Variants in GLDC observed in about 807,000 individuals in gnomAD.
GLDC encodes the protein glycine dehydrogenase (decarboxylating), mitochondrial.
Under a neutral mutation model 121.3 loss-of-function variants are expected in GLDC, and 104 were observed. The observed-to-expected ratio is 0.86, with a 90% CI of 0.73 to 1.01. GLDC has a LOEUF of 1.01. Among genes scored for constraint, GLDC ranks in the 50% least tolerant of loss-of-function variants. The pLI is 0.00. For missense variants in GLDC, 1,429 were observed against 1,306.6 expected, an observed-to-expected ratio of 1.09 and a Z score of -1.44; for synonymous variants, 546 against 480.6, an observed-to-expected ratio of 1.14 and a Z score of -1.78.
At position 6,554,589 on chromosome 9, in the gene GLDC, G is replaced by C. The variant is rs12683164; in HGVS notation, c.2315+80C>G. 330,454 of 983,168 alleles carry C rather than the reference G, an allele frequency of 0.34. 58,778 individuals are homozygous for C. The highest frequency in any genetic ancestry group is 0.39 in the Admixed American group (19,935 of 50,922). The allele number at this position is 983,168 out of a possible 1,614,324, so 60.9% of individuals were successfully genotyped here. ...GGTATCCTCAACACATGAAGACTTT[G>C]ATGGGATGAGTAGTCTATTTAGGGC... On this transcript the variant is annotated intron_variant, in intron 19 of 24. Transcript: ENST00000321612.
chr9:6,639,438 G>C, intron 2 of GLDC: 1 of 910,034 alleles, frequency 1.1e-6, no homozygotes. Context: ...TGTGTTCATT[G>C]TGGATGTTAA....
chr9:6,604,561 A>C, intron 7 of GLDC, 27 bp downstream of exon 7: 1 of 1,574,450 alleles, frequency 6.4e-7, no homozygotes, highest in Middle Eastern at 2.3e-4. Context: ...AATCACAATA[A>C]AAGTAGAGAA....
At chr9:6,587,346 TTAATAA>T in intron 14 of GLDC, 63 bp from the exon 15 acceptor site, 1 of 1,204,326 alleles carries the variant, frequency 8.3e-7, no homozygotes. Flanking sequence ...AATAATAACT[TTAATAA>T]TAATGACGAT....
At chr9:6,567,239 T>C (rs1430711514) in intron 15 of GLDC, 2 of 152,226 alleles carry the variant, frequency 1.3e-5, no homozygotes, top group Non-Finnish European at 2.9e-5. Flanking sequence ...ATCTCCGCTC[T>C]CTTCCAAGAA....
intron 16 of GLDC, among the ~76,000 whole-genome samples, chr9:6,560,423 G>A (rs1010637188): frequency 2.0e-5 from 3 of 152,170 alleles, no homozygotes; most frequent in Non-Finnish European, 4.4e-5. Flanking sequence ...CCTTTAGAAC[G>A]GCTGTTGGTC....
At chr9:6,535,316 G>C (rs570531934) in intron 23 of GLDC, among the ~76,000 whole-genome samples, 1 of 151,498 alleles carries the variant, frequency 6.6e-6, no homozygotes, top group Non-Finnish European at 1.5e-5. Context: ...GGTGTCTTCA[G>C]AGAGAAAAGA....
intron 8 of GLDC, among the ~76,000 whole-genome samples, chr9:6,595,605 A>G (rs954168971): frequency 2.6e-5 from 4 of 152,226 alleles, no homozygotes; most frequent in Non-Finnish European, 5.9e-5. Context: ...ATAAAACACT[A>G]GAGGCTGAAC....
Position 6,645,299 on chromosome 9 carries a change from G to A in GLDC, c.201C>T (p.His67=). 2 of 1,600,382 alleles carry A rather than the reference G, an allele frequency of 1.2e-6. No homozygotes were observed. Among genetic ancestry groups the A allele is most frequent in the Non-Finnish European group, 1.7e-6 (2 of 1,174,512 alleles). Residue 67 remains histidine, a synonymous_variant, in exon 1 of 25, where the codon CAC becomes CAT. Coordinates refer to ENST00000321612, the MANE Select transcript of GLDC (RefSeq NM_000170.3). ...LPRHDDFARR[H]IGPGDKDQRE... ...TCTGGTCTTTGTCCCCAGGGCCGAT[G>A]TGCCTCCGAGCGAAGTCGTCGTGTC... is the stretch of plus-strand genomic sequence containing the variant.
chr9:6,577,053 C>G (rs777131566), intron 15 of GLDC, among the ~76,000 whole-genome samples: 3 of 152,150 alleles, frequency 2.0e-5, no homozygotes, highest in Non-Finnish European at 4.4e-5. Context: ...TATATGTGGG[C>G]AGGGAATGAC....
chr9:6,599,050 C>T (rs879578980), intron 8 of GLDC, among the ~76,000 whole-genome samples: 29 of 151,642 alleles, frequency 1.9e-4, no homozygotes, highest in Admixed American at 1.2e-3. Flanking sequence ...CAGGCATGGT[C>T]GTGGGTGCCT....
intron 2 of GLDC, among the ~76,000 whole-genome samples, chr9:6,625,463 G>A (rs1177710117): frequency 6.6e-6 from 1 of 152,132 alleles, no homozygotes; most frequent in East Asian, 1.9e-4. Flanking sequence ...GGAGCCAAAA[G>A]GGTTACTGAA....
intron 15 of GLDC, among the ~76,000 whole-genome samples, chr9:6,566,275 T>C (rs1400760243): frequency 6.6e-6 from 1 of 152,194 alleles, no homozygotes; most frequent in Non-Finnish European, 1.5e-5. Context: ...AACACAATTG[T>C]CACACCTAGA....
chr9:6,550,982 A>G, intron 20 of GLDC, 68 bp from the exon 21 acceptor site: 2 of 982,708 alleles, frequency 2.0e-6, no homozygotes, highest in Non-Finnish European at 3.3e-6. Context: ...AAACCAACCA[A>G]AAGACACCCC....
In GLDC at chr9:6,534,698, G is replaced by A; in HGVS notation, c.2919+10C>T. On this transcript the variant is annotated intron_variant, in intron 24 of 24. Coordinates refer to ENST00000321612, the MANE Select transcript of GLDC (RefSeq NM_000170.3). ...TTCCCAGCTGGCACATTCAGATTCA[G>A]AGAACTTACGAGTGGGAATGCTGCC... The A allele has an allele frequency of 6.7e-7, 1 of 1,496,122 alleles. No homozygotes were observed. The highest frequency in any genetic ancestry group is 9.3e-7 in the Non-Finnish European group (1 of 1,072,852). The allele number at this position is 1,496,122 out of a possible 1,614,324, so 92.7% of individuals were successfully genotyped here. A position where few individuals can be genotyped will look rare whatever the true frequency, so the allele number is the denominator to read the frequency against.
At position 6,539,896 on chromosome 9, in the gene GLDC, C is replaced by G. The variant is rs546339798; in HGVS notation, c.2665+155G>C. On this transcript the variant is annotated intron_variant, in intron 22 of 24. Coordinates refer to ENST00000321612, the MANE Select transcript of GLDC (RefSeq NM_000170.3). The stretch of plus-strand genomic sequence containing the variant: ...CAGGACCAGTGCAGTCATAAGCAAA[C>G]TTTTTTCTCTATTATTTTGGAGGTT... Among the ~76,000 whole-genome samples the G allele has an allele frequency of 7.2e-5, 11 of 152,252 alleles. No individual in the cohort carries two copies. In the South Asian group the frequency reaches 2.3e-3, roughly 32 times the overall value.
At chr9:6,638,157 C>T (rs1197370908) in intron 2 of GLDC, among the ~76,000 whole-genome samples, 1 of 151,982 alleles carries the variant, frequency 6.6e-6, no homozygotes, top group Non-Finnish European at 1.5e-5. Flanking sequence ...TTGCATTTCT[C>T]CATTTCCTTT....
At chr9:6,534,669 T>C (rs1485106209) in intron 24 of GLDC, 39 bp downstream of exon 24, 3 of 1,084,392 alleles carry the variant, frequency 2.8e-6, no homozygotes, top group East Asian at 2.4e-5. Flanking sequence ...AGCTGGCCCA[T>C]GCCTTCCCAG....
chr9:6,585,904 G>T (rs78533019), intron 15 of GLDC, among the ~76,000 whole-genome samples: 43,998 of 110,942 alleles, frequency 0.4, 6,971 homozygotes, highest in Middle Eastern at 0.47. Context: ...TCTGTCCATC[G>T]GTCCATCTGT....
At chr9:6,543,868 C>A (rs561045456) in intron 21 of GLDC, among the ~76,000 whole-genome samples, 1 of 147,210 alleles carries the variant, frequency 6.8e-6, no homozygotes, top group African/African-American at 2.5e-5. Flanking sequence ...GAAGGTACCA[C>A]GTGAAAGGGG....
Sources: allele counts gnomAD v4.1 joint callset (sites outside exome capture counted in the v4.1 genomes callset), GRCh38; gene constraint gnomAD v4.1.1; transcripts MANE v1.5; gene names NCBI Gene and HGNC (gene_info 2026-07-23, HGNC 2026-07-21).